The following FKBP5 variants were observed in gnomAD, a reference collection of about 807,000 sequenced individuals.
FKBP5 encodes peptidyl-prolyl cis-trans isomerase FKBP5.
In FKBP5, 23 loss-of-function variants were observed where a neutral mutation model predicts 50.5. The ratio of observed to expected loss-of-function variants is 0.46; its 90% CI spans 0.33 to 0.65. The LOEUF (loss-of-function observed/expected upper bound fraction) is 0.65, where lower values mean the gene tolerates loss of function less well. Ranked by LOEUF, FKBP5 falls within the 30% of genes least tolerant of loss-of-function variation. The pLI, the probability that FKBP5 is intolerant of heterozygous loss-of-function variation, is 0.02. For synonymous variants in FKBP5, 176 were observed against 190.6 expected (o/e 0.92, Z 0.63); for missense variants, 411 against 553.1 (o/e 0.74, Z 2.58).
chr6:35,689,978 C>A (rs1434190571), upstream of FKBP5, among the ~76,000 whole-genome samples: 1 of 152,218 alleles, frequency 6.6e-6, no homozygotes, highest in Non-Finnish European at 1.5e-5. Context: ...TCAACTCTCT[C>A]ATTTTTAAGG....
chr6:35,624,757 C>T (rs1172342756), intron 3 of FKBP5, among the ~76,000 whole-genome samples: 1 of 152,134 alleles, frequency 6.6e-6, no homozygotes, highest in African/African-American at 2.4e-5. Context: ...CTAATACAAG[C>T]ACAAGTCCTA....
chr6:35,589,128 A>ATTTT (rs58812576), intron 7 of FKBP5, among the ~76,000 whole-genome samples: 13 of 121,544 alleles, frequency 1.1e-4, no homozygotes, highest in African/African-American at 3.5e-4. Flanking sequence ...ATATATATAT[A>ATTTT]TTTTTTTTTT....
chr6:35,682,183 AAT>A lies in FKBP5; in HGVS notation c.-20+6619_-20+6620del, dbSNP rs567123037. On this transcript the variant is annotated intron_variant, in intron 1 of 10. Coordinates refer to ENST00000357266, the MANE Select transcript of FKBP5 (RefSeq NM_004117.4). ...TTTTTATGCTAGCAACAAAACCCAAAATATGTGTTCAGATTACAAGACTGTTT... is the reference window on the plus strand; with the variant it reads ...TTTTTATGCTAGCAACAAAACCCAAAATGTGTTCAGATTACAAGACTGTTT... Among the ~76,000 whole-genome samples, 7 of 152,302 alleles carry A rather than the reference AAT, an allele frequency of 4.6e-5. No individual in the cohort carries two copies. The East Asian group carries it at 1.3e-3, about 29-fold the overall frequency.
chr6:35,696,841 G>A (rs1766089833), intron 2 of FKBP5, among the ~76,000 whole-genome samples: 1 of 152,134 alleles, frequency 6.6e-6, no homozygotes, highest in Non-Finnish European at 1.5e-5. Context: ...GTGTGGTACT[G>A]GAAAAGGATA....
intron 9 of FKBP5, among the ~76,000 whole-genome samples, chr6:35,577,523 GA>G (rs1332150442): frequency 1.3e-5 from 2 of 151,658 alleles, no homozygotes; most frequent in Non-Finnish European, 2.9e-5. Flanking sequence ...TGGGAAAAAA[GA>G]AAAAAATAAG....
At chr6:35,617,252 TG>T (rs906201736) in intron 5 of FKBP5, among the ~76,000 whole-genome samples, 11 of 152,212 alleles carry the variant, frequency 7.2e-5, no homozygotes, top group African/African-American at 2.7e-4. Context: ...AAATATGGGT[TG>T]AAAATAGTAT....
chr6:35,678,286 G>T (rs150156403), intron 1 of FKBP5, among the ~76,000 whole-genome samples: 88 of 152,228 alleles, frequency 5.8e-4, no homozygotes, highest in Middle Eastern at 3.4e-3. Context: ...TACAGAGATG[G>T]TATTTAAATA....
intron 1 of FKBP5, among the ~76,000 whole-genome samples, chr6:35,675,285 C>T (rs1358249310): frequency 2.0e-5 from 3 of 152,164 alleles, no homozygotes; most frequent in African/African-American, 2.4e-5. Flanking sequence ...TGGTGGCTCA[C>T]GCCTGTAATC....
At chr6:35,673,949 T>C (rs773200692) in intron 1 of FKBP5, among the ~76,000 whole-genome samples, 9 of 152,194 alleles carry the variant, frequency 5.9e-5, no homozygotes, top group Non-Finnish European at 8.8e-5. Context: ...ATCTTGAGCA[T>C]ATGCCTCTAC....
intron 6 of FKBP5, among the ~76,000 whole-genome samples, chr6:35,594,503 A>G (rs1226391642): frequency 6.6e-6 from 1 of 152,210 alleles, no homozygotes; most frequent in African/African-American, 2.4e-5. Flanking sequence ...TACTTATAGC[A>G]ACATTTAGAT....
intron 4 of FKBP5, 121 bp downstream of exon 4, chr6:35,620,011 A>G: frequency 8.1e-7 from 1 of 1,234,674 alleles, no homozygotes; most frequent in Non-Finnish European, 1.1e-6. Context: ...ATGCTCCAAA[A>G]TAAGTAAGTT....
chr6:35,589,010 G>T (rs1481787689), intron 7 of FKBP5, among the ~76,000 whole-genome samples: 1 of 149,180 alleles, frequency 6.7e-6, no homozygotes, highest in African/African-American at 2.5e-5. Flanking sequence ...AAAGTGCTGG[G>T]ATTTATAGGT....
At chr6:35,629,997 G>A (rs941645934) in intron 3 of FKBP5, among the ~76,000 whole-genome samples, 1 of 152,142 alleles carries the variant, frequency 6.6e-6, no homozygotes, top group African/African-American at 2.4e-5. Flanking sequence ...TTGGCTGAGT[G>A]CAGTGACTCA....
intron 1 of FKBP5, among the ~76,000 whole-genome samples, chr6:35,724,900 G>A (rs1766672688): frequency 6.6e-6 from 1 of 152,198 alleles, no homozygotes; most frequent in Non-Finnish European, 1.5e-5. Context: ...GAATTGTTGT[G>A]AGGAGTAAAT....
At chr6:35,694,799 G>T (rs529024897) in intron 2 of FKBP5, among the ~76,000 whole-genome samples, 50 of 152,138 alleles carry the variant, frequency 3.3e-4, no homozygotes, top group African/African-American at 1.1e-3. Context: ...GTTATGTATT[G>T]CTTCATAGCA....
intron 5 of FKBP5, among the ~76,000 whole-genome samples, chr6:35,607,286 A>G (rs1763352491): frequency 6.6e-6 from 1 of 151,746 alleles, no homozygotes; most frequent in South Asian, 2.1e-4. Context: ...GTTAGACTGC[A>G]GTGGTATAAA....
intron 8 of FKBP5, chr6:35,581,149 G>A (rs528787593): frequency 2.3e-4 from 223 of 980,774 alleles, no homozygotes; most frequent in Non-Finnish European, 2.6e-4. Flanking sequence ...GCTGACCCCT[G>A]ATCTATAGGC....
intron 2 of FKBP5, among the ~76,000 whole-genome samples, chr6:35,716,197 C>A (rs1766508988): frequency 6.6e-6 from 1 of 151,854 alleles, no homozygotes. Context: ...TGTAGGGAGA[C>A]CTCGTTTCTA....
chr6:35,633,999 A>T (rs3798347), intron 3 of FKBP5, among the ~76,000 whole-genome samples: 99,188 of 151,732 alleles, frequency 0.65, 32,830 homozygotes, highest in Non-Finnish European at 0.7. Context: ...ACTTGTATTT[A>T]AAAAAAATAA....
Sources: allele counts gnomAD v4.1 joint callset (sites outside exome capture counted in the v4.1 genomes callset), GRCh38; gene constraint gnomAD v4.1.1; transcripts MANE v1.5; gene names NCBI Gene and HGNC (gene_info 2026-07-23, HGNC 2026-07-21).